Variants in RCAN2 observed in about 807,000 individuals in gnomAD.
The protein encoded by RCAN2 is calcipressin-2.
RCAN2 carries 9 observed loss-of-function variants against 23.6 expected under a neutral mutation model. The observed-to-expected ratio is 0.38, with a 90% confidence interval of 0.23 to 0.67. The LOEUF is 0.67. RCAN2 is among the 30% of genes least tolerant of loss of function. The probability of loss-of-function intolerance (pLI) is 0.51; values close to 1 mark genes in which losing one functional copy is unlikely to be tolerated. For synonymous variants in RCAN2, 109 were observed against 115.7 expected (o/e 0.94, Z 0.37); for missense variants, 273 against 302.3 (o/e 0.90, Z 0.72).
intron 2 of RCAN2, among the ~76,000 whole-genome samples, chr6:46,454,830 T>C (rs1444041367): frequency 6.6e-6 from 1 of 152,212 alleles, no homozygotes; most frequent in East Asian, 1.9e-4. Flanking sequence ...TCAAAATAGA[T>C]GTGTACAGAC....
intron 4 of RCAN2, among the ~76,000 whole-genome samples, chr6:46,233,439 T>G (rs1765968166): frequency 6.6e-6 from 1 of 152,168 alleles, no homozygotes; most frequent in Admixed American, 6.5e-5. Flanking sequence ...CCACTGTAGT[T>G]TCATTCATTG....
intron 2 of RCAN2, among the ~76,000 whole-genome samples, chr6:46,333,413 C>T (rs1350271839): frequency 3.9e-5 from 6 of 152,208 alleles, no homozygotes; most frequent in Non-Finnish European, 5.9e-5. Context: ...GATTTACCAA[C>T]GTTTCTGCAA....
chr6:46,414,587 C>T (rs1766648538), intron 2 of RCAN2, among the ~76,000 whole-genome samples: 1 of 152,036 alleles, frequency 6.6e-6, no homozygotes, highest in African/African-American at 2.4e-5. Context: ...AGCATATTAC[C>T]CTCCATATGT....
intron 2 of RCAN2, among the ~76,000 whole-genome samples, chr6:46,295,029 A>G (rs1408536343): frequency 6.6e-6 from 1 of 152,196 alleles, no homozygotes; most frequent in African/African-American, 2.4e-5. Context: ...AGTGGCAGGA[A>G]CATAGAAAAG....
At chr6:46,407,328 A>T (rs1766431143) in intron 2 of RCAN2, among the ~76,000 whole-genome samples, 1 of 152,188 alleles carries the variant, frequency 6.6e-6, no homozygotes, top group African/African-American at 2.4e-5. Flanking sequence ...TAAAAATCAC[A>T]TCCTTTCTAT....
chr6:46,259,463 A>G (rs375190684), intron 2 of RCAN2, among the ~76,000 whole-genome samples: 2 of 152,286 alleles, frequency 1.3e-5, no homozygotes, highest in East Asian at 3.9e-4. Context: ...GGTTTTCAGA[A>G]CAGCTAAAAC....
chr6:46,451,213 T>A (rs529696994), intron 2 of RCAN2, among the ~76,000 whole-genome samples: 1 of 152,276 alleles, frequency 6.6e-6, no homozygotes, highest in South Asian at 2.1e-4. Flanking sequence ...GTTTTATAGA[T>A]CTACAACCTA....
intron 2 of RCAN2, among the ~76,000 whole-genome samples, chr6:46,395,185 C>A (rs373727609): frequency 6.6e-6 from 1 of 152,102 alleles, no homozygotes; most frequent in Non-Finnish European, 1.5e-5. Flanking sequence ...ATTCAGGGTG[C>A]AACTCAGGCA....
chr6:46,268,416 C>T (rs925127018), intron 2 of RCAN2, among the ~76,000 whole-genome samples: 6 of 152,198 alleles, frequency 3.9e-5, no homozygotes, highest in South Asian at 2.1e-4. Context: ...TTCAATGGAT[C>T]GGGTTTTTCA....
rs777976492 is a variant in RCAN2, at chr6:46,456,874, A to C, written c.103T>G (p.Trp35Gly). The C allele has an allele frequency of 1.9e-6, 3 of 1,550,686 alleles. No individual in the cohort carries two copies. The highest frequency in any genetic ancestry group is 2.6e-6 in the Non-Finnish European group (3 of 1,146,992). Reference sequence around the variant, plus strand: ...TCTGCAAAACAACGAGTGACAGCCCAGTCCCTGTCTATGCAGCACAGTAAG... The same window carrying C: ...TCTGCAAAACAACGAGTGACAGCCCCGTCCCTGTCTATGCAGCACAGTAAG... ...LFLLCCIDRD[W>G]AVTRCFAEEA... The change falls in exon 2 of 5, where the codon TGG becomes GGG. Residue 35 changes from tryptophan (W) to glycine (G), a missense_variant. By Grantham distance (184) the Trp-to-Gly change is radical. Transcript: ENST00000371374.
chr6:46,445,567 A>C (rs1380840199), intron 2 of RCAN2, among the ~76,000 whole-genome samples: 1 of 152,246 alleles, frequency 6.6e-6, no homozygotes, highest in Non-Finnish European at 1.5e-5. Flanking sequence ...TCAAAGGAAT[A>C]AAATAAAGCA....
At chr6:46,259,618 A>C (rs1767043759) in intron 2 of RCAN2, among the ~76,000 whole-genome samples, 1 of 152,136 alleles carries the variant, frequency 6.6e-6, no homozygotes, top group South Asian at 2.1e-4. Context: ...GTAGACACCC[A>C]CTGGATGTCT....
At chr6:46,273,344 C>T (rs1767578009) in intron 2 of RCAN2, among the ~76,000 whole-genome samples, 1 of 152,206 alleles carries the variant, frequency 6.6e-6, no homozygotes, top group African/African-American at 2.4e-5. Context: ...TTGTATACTA[C>T]TAATTATGAT....
At chr6:46,282,791 A>G (rs774233956) in intron 2 of RCAN2, among the ~76,000 whole-genome samples, 1 of 152,314 alleles carries the variant, frequency 6.6e-6, no homozygotes, top group African/African-American at 2.4e-5. Flanking sequence ...CTGGCTTTCA[A>G]TGCAAATAGT....
chr6:46,267,596 G>T lies in RCAN2; in HGVS notation c.226-18700C>A, dbSNP rs370071160. ...ACTACTTGGGAGCCTGAGGTGGGAG[G>T]ATCATTTGAGCCTGGGAAGTTGAGG... On this transcript the variant is annotated intron_variant, in intron 2 of 4. Coordinates refer to ENST00000371374, the MANE Select transcript of RCAN2 (RefSeq NM_001251974.2). Among the ~76,000 whole-genome samples, 107 of 152,184 alleles carry T rather than the reference G, an allele frequency of 7.0e-4. No individual in the cohort carries two copies. In the South Asian group the frequency reaches 0.021, roughly 29 times the overall value.
chr6:46,222,540 T>C lies in RCAN2; in HGVS notation c.*601A>G, dbSNP rs1241035587. ...GTGTATTGACTCACAATAGTGAATA[T>C]ACCCAGACTTGTTGAGCTGGAATAT... On this transcript the variant is annotated 3_prime_UTR_variant, in exon 5 of 5. Transcript: ENST00000371374. 6.5e-6 allele frequency: 1 copy of C among 153,162 alleles called. No individual in the cohort carries two copies. The highest frequency in any genetic ancestry group is 1.5e-5 in the Non-Finnish European group (1 of 68,452). 9.5% of individuals were successfully genotyped at this position (153,162 alleles called of 1,614,324 possible).
intron 2 of RCAN2, among the ~76,000 whole-genome samples, chr6:46,258,083 T>C (rs1044185526): frequency 6.6e-6 from 1 of 152,234 alleles, no homozygotes; most frequent in African/African-American, 2.4e-5. Flanking sequence ...TAATAAGAAA[T>C]TTGGCATCTC....
At chr6:46,255,758 G>C (rs1279070213) in intron 2 of RCAN2, among the ~76,000 whole-genome samples, 1 of 152,106 alleles carries the variant, frequency 6.6e-6, no homozygotes, top group Non-Finnish European at 1.5e-5. Flanking sequence ...GAGCCGCAGG[G>C]TATGGCAGCA....
At chr6:46,341,111 T>C (rs1397977102) in intron 2 of RCAN2, among the ~76,000 whole-genome samples, 11 of 152,220 alleles carry the variant, frequency 7.2e-5, no homozygotes, top group Admixed American at 2.0e-4. Flanking sequence ...ACATTTATCA[T>C]TGATAAAATT....
Sources: gnomAD v4.1 joint callset for allele counts (sites outside exome capture counted in the v4.1 genomes callset) on GRCh38, gnomAD v4.1.1 for gene constraint, MANE v1.5 for transcripts, NCBI Gene and HGNC (gene_info 2026-07-23, HGNC 2026-07-21) for gene names.